The following STON2 variants were observed in gnomAD, a reference collection of about 807,000 sequenced individuals.
STON2 encodes the protein stonin 2, also known as stonin-2.
A neutral mutation model predicts 65.7 loss-of-function variants in STON2; 29 were observed. The ratio of observed to expected loss-of-function variants is 0.44; its 90% confidence interval spans 0.33 to 0.60. The LOEUF is 0.60. Ranked by LOEUF, STON2 falls within the 20% of genes least tolerant of loss-of-function variation. The pLI, the probability that STON2 is intolerant of heterozygous loss-of-function variation, is 0.03. For missense variants in STON2, 1,054 were observed against 1,118.1 expected, an observed-to-expected ratio of 0.94 and a Z score of 0.82; for synonymous variants, 404 against 414.2, an observed-to-expected ratio of 0.98 and a Z score of 0.30.
At chr14:81,399,244 CAGAA>C (rs777933793) in intron 1 of STON2, among the ~76,000 whole-genome samples, 4 of 152,172 alleles carry the variant, frequency 2.6e-5, no homozygotes, top group Non-Finnish European at 5.9e-5. Context: ...TCTAGGAATA[CAGAA>C]AGATTCTTAA....
At chr14:81,434,117 G>A (rs548869178) in intron 1 of STON2, among the ~76,000 whole-genome samples, 10 of 152,302 alleles carry the variant, frequency 6.6e-5, no homozygotes, top group African/African-American at 2.2e-4. Context: ...CCCTGGAACT[G>A]TGCCACGGCG....
In STON2 at chr14:81,318,797, C is replaced by T. The variant is rs150636772; in HGVS notation, c.742+5220G>A. On this transcript the variant is annotated intron_variant, in intron 5 of 7. Coordinates refer to ENST00000614646, the MANE Select transcript of STON2 (RefSeq NM_001394390.1). ...ACCTGGGAGACGGAACCTGTGATCACGCCACTGCACTCCAGCCTGGATGAC... is the reference window on the plus strand; with the variant it reads ...ACCTGGGAGACGGAACCTGTGATCATGCCACTGCACTCCAGCCTGGATGAC... Among the ~76,000 whole-genome samples, 6 of 152,224 alleles carry T rather than the reference C, an allele frequency of 3.9e-5. No individual in the cohort carries two copies. In the East Asian group the frequency reaches 5.8e-4, roughly 15 times the overall value.
intron 1 of STON2, among the ~76,000 whole-genome samples, chr14:81,434,953 T>C (rs1026709178): frequency 1.3e-5 from 2 of 151,878 alleles, no homozygotes; most frequent in African/African-American, 4.8e-5. Context: ...TGAGTTTTTT[T>C]TCTCTCTCTC....
rs1566931135 is a variant in STON2 at position 81,370,974 on chromosome 14, G to C, written c.571+14C>G. On this transcript the variant is annotated intron_variant, in intron 4 of 7. Coordinates refer to ENST00000614646, the MANE Select transcript of STON2 (RefSeq NM_001394390.1). The stretch of plus-strand genomic sequence containing the variant: ...GTGATTTGCAAAGCCCTCTGGCTTA[G>C]AGCTCCATCTTACCAGTTGAGTCAG... 6.2e-7 allele frequency: 1 copy of C among 1,611,056 alleles called. No individual in the cohort carries two copies. The highest frequency in any genetic ancestry group is 2.2e-5 in the East Asian group (1 of 44,844).
chr14:81,299,859 T>C (rs567322542), intron 5 of STON2, among the ~76,000 whole-genome samples: 17 of 149,716 alleles, frequency 1.1e-4, no homozygotes, highest in African/African-American at 4.2e-4. Flanking sequence ...ATTTGAAAAC[T>C]CAAAATTGTT....
At chr14:81,363,254 A>T (rs138156585) in intron 4 of STON2, among the ~76,000 whole-genome samples, 1 of 152,222 alleles carries the variant, frequency 6.6e-6, no homozygotes, top group Non-Finnish European at 1.5e-5. Flanking sequence ...ATATATGTAT[A>T]AAGTATATAG....
rs1168890544 is a variant in STON2, at chr14:81,436,237, G to GCCCCCGC, written c.-310+77_-310+83dup. ...TCGCGGCCGGCCCGCCCCCGCCCCC[G>GCCCCCGC]CCCCCGCCCCCCGCCCGCTCCACCT... On this transcript the variant is annotated intron_variant, in intron 1 of 8. Transcript: ENST00000553821. The GCCCCCGC allele has an allele frequency of 3.3e-5, 5 of 150,556 alleles. No individual in the cohort carries two copies. In the East Asian group the frequency reaches 7.9e-4, roughly 24 times the overall value. 9.3% of individuals were successfully genotyped at this position (150,556 alleles called of 1,614,324 possible).
rs930709689 is a variant in STON2, at chr14:81,261,590, C to T, written c.*6824G>A. 1 of 499,980 alleles carries T rather than the reference C, an allele frequency of 2.0e-6. No homozygotes were observed. Among genetic ancestry groups the T allele is most frequent in the Non-Finnish European group, 3.1e-6 (1 of 319,538 alleles). The allele number at this position is 499,980 out of a possible 1,614,324, so 31.0% of individuals were successfully genotyped here. On this transcript the variant is annotated 3_prime_UTR_variant, in exon 8 of 8. Transcript: ENST00000614646. ...TCTCATCTGGTTTTGCCATAACTTACAAATAGTCCCAGGATGTTTACTGAG... is the reference window on the plus strand; with the variant it reads ...TCTCATCTGGTTTTGCCATAACTTATAAATAGTCCCAGGATGTTTACTGAG...
chr14:81,367,067 C>T (rs1011457509), intron 4 of STON2, among the ~76,000 whole-genome samples: 11 of 152,224 alleles, frequency 7.2e-5, no homozygotes, highest in African/African-American at 2.7e-4. Context: ...GAGGTTGGCA[C>T]TGCCACAAGC....
At chr14:81,354,343 G>A (rs1898138946) in intron 4 of STON2, among the ~76,000 whole-genome samples, 1 of 152,196 alleles carries the variant, frequency 6.6e-6, no homozygotes, top group Non-Finnish European at 1.5e-5. Context: ...CTTACCAGCT[G>A]TCCTATCGGA....
intron 2 of STON2, among the ~76,000 whole-genome samples, chr14:81,406,661 G>A (rs1319959337): frequency 6.6e-6 from 1 of 152,204 alleles, no homozygotes; most frequent in Non-Finnish European, 1.5e-5. Flanking sequence ...TTGGATGCTT[G>A]AGATGTTAAT....
chr14:81,309,892 C>A (rs1896356550), intron 5 of STON2, among the ~76,000 whole-genome samples: 1 of 152,170 alleles, frequency 6.6e-6, no homozygotes, highest in Non-Finnish European at 1.5e-5. Context: ...CATTTCAAAA[C>A]AGCAGCTTTC....
chr14:81,340,959 T>C (rs560447042), intron 4 of STON2, among the ~76,000 whole-genome samples: 3 of 152,002 alleles, frequency 2.0e-5, no homozygotes, highest in African/African-American at 7.2e-5. Flanking sequence ...TTAATATTCT[T>C]AATACCAATA....
At chr14:81,297,780 T>C (rs573449427) in intron 5 of STON2, among the ~76,000 whole-genome samples, 82 of 152,384 alleles carry the variant, frequency 5.4e-4, no homozygotes, top group African/African-American at 1.9e-3. Flanking sequence ...GGCTCACGCC[T>C]GTAATCCCAG....
In STON2 at chr14:81,405,574, C is replaced by T. The variant is rs1566946396; in HGVS notation, c.-198-6994G>A. Among the ~76,000 whole-genome samples the T allele has an allele frequency of 2.0e-5, 3 of 146,546 alleles. No homozygotes were observed. In the South Asian group the frequency reaches 6.6e-4, roughly 32 times the overall value. On this transcript the variant is annotated intron_variant, in intron 2 of 8. Coordinates refer to the STON2 transcript ENST00000553821. The stretch of plus-strand genomic sequence containing the variant: ...TAATTGTTGGTGATACACTGAAGAC[C>T]TTCTGGATTTGACTTTCCTCTGCAG...
intron 6 of STON2, 74 bp downstream of exon 6, chr14:81,276,827 C>T: frequency 2.0e-6 from 3 of 1,520,232 alleles, no homozygotes; most frequent in South Asian, 1.3e-5. Context: ...GCACTTCATA[C>T]AGGATGTGGA....
chr14:81,290,436 A>G (rs1464508460), intron 5 of STON2, among the ~76,000 whole-genome samples: 1 of 152,216 alleles, frequency 6.6e-6, no homozygotes, highest in Non-Finnish European at 1.5e-5. Flanking sequence ...GCATGTTATT[A>G]TATGTGCTTG....
Position 81,410,986 on chromosome 14 carries a change from T to C in STON2, c.-198-12406A>G, listed in dbSNP as rs540616000. On this transcript the variant is annotated intron_variant, in intron 2 of 8. Transcript: ENST00000553821. ...ATTACACATGTCGCACTTTGAAACA[T>C]ACTACATGGGTATTCTCTCGCCAGG... Among the ~76,000 whole-genome samples, 7 of 152,340 alleles carry C rather than the reference T, an allele frequency of 4.6e-5. No individual in the cohort carries two copies. In the South Asian group the frequency reaches 1.4e-3, roughly 32 times the overall value.
Position 81,262,691 on chromosome 14 carries a change from TGA to T in STON2, c.*5721_*5722del, listed in dbSNP as rs1894197632. 1 of 985,472 alleles carries T rather than the reference TGA, an allele frequency of 1.0e-6. No individual in the cohort carries two copies. The highest frequency in any genetic ancestry group is 1.2e-6 in the Non-Finnish European group (1 of 829,940). 61.0% of individuals were successfully genotyped at this position (985,472 alleles called of 1,614,324 possible). A position where few individuals can be genotyped will look rare whatever the true frequency, so the allele number is the denominator to read the frequency against. ...CTTTACAGGCTTAGAATTGACAAAT[TGA>T]GAGACACATTTTTTTTTCAATTCTC... On this transcript the variant is annotated 3_prime_UTR_variant, in exon 8 of 8. Transcript: ENST00000614646.
Sources: allele counts gnomAD v4.1 joint callset (sites outside exome capture counted in the v4.1 genomes callset), GRCh38; gene constraint gnomAD v4.1.1; transcripts MANE v1.5; gene names NCBI Gene and HGNC (gene_info 2026-07-23, HGNC 2026-07-21).